Variants in SBDS observed in about 807,000 individuals in gnomAD.
The protein encoded by SBDS is ribosome maturation protein SBDS.
SBDS carries 20 observed loss-of-function variants against 26.4 expected under a neutral mutation model. The ratio of observed to expected loss-of-function variants is 0.76; its 90% CI spans 0.53 to 1.10. The LOEUF (loss-of-function observed/expected upper bound fraction) is 1.10. SBDS is among the 50% of genes least tolerant of loss of function. The pLI, the probability that SBDS is intolerant of heterozygous loss-of-function variation, is 0.00. For synonymous variants in SBDS, 95 were observed against 105.1 expected, an observed-to-expected ratio of 0.90 and a Z score of 0.59; for missense variants, 241 against 302.0, an observed-to-expected ratio of 0.80 and a Z score of 1.50.
rs771692204 is a variant in SBDS at position 66,995,290 on chromosome 7, A to G, written c.128T>C (p.Val43Ala). 6.2e-7 allele frequency: 1 copy of G among 1,613,562 alleles called. No individual in the cohort carries two copies. Among genetic ancestry groups the G allele is most frequent in the Non-Finnish European group, 8.5e-7 (1 of 1,179,962 alleles). Residue 43 changes from valine (V) to alanine (A), a missense_variant and splice_region_variant, in exon 1 of 5, where the codon GTG becomes GCG. Val to Ala is a moderately conservative substitution (Grantham distance 64). Coordinates refer to ENST00000246868, the MANE Select transcript of SBDS (RefSeq NM_016038.4). ...AGGCCCGAGGGAGGGGGCTACTCAC[A>G]CGCCGCTCCGCCAGCCGACGACCTT... ...KNKVVGWRSG[V>A]EKDLDEVLQT...
intron 3 of SBDS, among the ~76,000 whole-genome samples, chr7:66,992,268 A>C (rs1792990386): frequency 6.6e-6 from 1 of 152,152 alleles, no homozygotes; most frequent in African/African-American, 2.4e-5. Flanking sequence ...AAATGTCCAG[A>C]ATTGAGAAGT....
intron 3 of SBDS, among the ~76,000 whole-genome samples, chr7:66,992,878 G>A (rs1217131314): frequency 5.3e-5 from 8 of 151,896 alleles, no homozygotes; most frequent in African/African-American, 7.2e-5. Flanking sequence ...GTGGTGGCAC[G>A]TGCCTATAAT....
intron 3 of SBDS, among the ~76,000 whole-genome samples, chr7:66,991,749 G>GT (rs1792979376): frequency 1.3e-5 from 2 of 149,760 alleles, no homozygotes; most frequent in Admixed American, 1.4e-4. Context: ...CAAAAAGAGG[G>GT]CGGGGGGGGT....
chr7:66,989,405 C>T (rs1333682313), intron 4 of SBDS, among the ~76,000 whole-genome samples: 2 of 150,818 alleles, frequency 1.3e-5, no homozygotes, highest in South Asian at 4.2e-4. Flanking sequence ...ATTAGCTGGG[C>T]GAGGTGGCAC....
At position 66,993,221 on chromosome 7, in the gene SBDS, T is replaced by C; in HGVS notation, c.455A>G (p.Gln152Arg). The change falls in exon 3 of 5, where the codon CAG (glutamine) becomes CGG (arginine). Residue 152 changes from glutamine (Q) to arginine (R), a missense_variant. By Grantham distance (43) the Gln-to-Arg change is conservative. Transcript: ENST00000246868. Reference sequence around the variant, plus strand: ...ATGACATGAGAAACCACTCACCTGCTGTTTTGTACTCTTGTTGGTTTTCAC... The same window carrying C: ...ATGACATGAGAAACCACTCACCTGCCGTTTTGTACTCTTGTTGGTTTTCAC... ...YSVKTNKSTK[Q>R]QALEVIKQLK... 6.2e-7 allele frequency: 1 copy of C among 1,613,614 alleles called. No homozygotes were observed. Among genetic ancestry groups the C allele is most frequent in the Middle Eastern group, 1.6e-4 (1 of 6,062 alleles).
Position 66,994,360 on chromosome 7 carries a change from A to G in SBDS, c.129-19T>C. 6.2e-7 allele frequency: 1 copy of G among 1,611,816 alleles called. No homozygotes were observed. Among genetic ancestry groups the G allele is most frequent in the East Asian group, 2.2e-5 (1 of 44,850 alleles). On this transcript the variant is annotated intron_variant, in intron 1 of 4. Coordinates refer to ENST00000246868, the MANE Select transcript of SBDS (RefSeq NM_016038.4). ...TTTTTCCCTTGTGAGGGCAGGAGAG[A>G]AAGTCCTATGTGAATATACTTGAAA...
intron 2 of SBDS, 78 bp from the exon 3 acceptor site, chr7:66,993,495 G>A (rs1793019497): frequency 1.8e-6 from 2 of 1,119,754 alleles, no homozygotes; most frequent in Non-Finnish European, 2.7e-6. Context: ...CATAAAAAAT[G>A]AGTAACTGGA....
rs766739040 is a variant in SBDS, at chr7:66,994,340, C to G, written c.130G>C (p.Glu44Gln). The change falls in exon 2 of 5, where the codon GAA becomes CAA. Residue 44 changes from glutamate (E) to glutamine (Q), a missense_variant and splice_region_variant. Coordinates refer to ENST00000246868, the MANE Select transcript of SBDS (RefSeq NM_016038.4). ...TGCAGAACTTCATCGAGGTCTTTTT[C>G]CCTTGTGAGGGCAGGAGAGAAAGTC... is the stretch of plus-strand genomic sequence containing the variant. ...NKVVGWRSGV[E>Q]KDLDEVLQTH... The G allele has an allele frequency of 1.2e-6, 2 of 1,613,706 alleles. No homozygotes were observed. Among genetic ancestry groups the G allele is most frequent in the Non-Finnish European group, 1.7e-6 (2 of 1,179,758 alleles).
chr7:66,995,248 G>A (rs1369240296), intron 1 of SBDS, 42 bp downstream of exon 1: 1 of 1,612,622 alleles, frequency 6.2e-7, no homozygotes, highest in Non-Finnish European at 8.5e-7. Context: ...CGGAGGTGAC[G>A]GCTCAGGCCC....
At chr7:66,994,183 G>A in intron 2 of SBDS, 29 bp downstream of exon 2, 1 of 1,612,142 alleles carries the variant, frequency 6.2e-7, no homozygotes, top group Non-Finnish European at 8.5e-7. Context: ...ATGGTTATTA[G>A]GGTTAGCTAT....
At chr7:66,993,693 G>A (rs1224722883) in intron 2 of SBDS, among the ~76,000 whole-genome samples, 1 of 152,024 alleles carries the variant, frequency 6.6e-6, no homozygotes, top group Admixed American at 6.6e-5. Flanking sequence ...GGCCAACATG[G>A]TGAAACCCCA....
intron 1 of SBDS, 132 bp downstream of exon 1, chr7:66,995,158 C>T: frequency 7.7e-7 from 1 of 1,298,016 alleles, no homozygotes; most frequent in Non-Finnish European, 1.1e-6. Flanking sequence ...CTCATGCTCA[C>T]AGCAGGAATG....
Position 66,994,297 on chromosome 7 carries a change from A to G in SBDS, c.173T>C (p.Val58Ala), listed in dbSNP as rs747222022. Residue 58 changes from valine to alanine, a missense_variant, in exon 2 of 5, where the codon GTA becomes GCA. Transcript: ENST00000246868. ...DEVLQTHSVFVNVSKGQVAKK... is the reference protein window; with the variant it reads ...DEVLQTHSVFANVSKGQVAKK... Reference sequence around the variant, plus strand: ...GGCAACCTGACCTTTAGAAACATTTACAAACACTGAGTGGGTCTGCAGAAC... The same window carrying G: ...GGCAACCTGACCTTTAGAAACATTTGCAAACACTGAGTGGGTCTGCAGAAC... The G allele has an allele frequency of 6.8e-6, 11 of 1,614,080 alleles. No homozygotes were observed. The South Asian group carries it at 1.2e-4, about 18-fold the overall frequency.
chr7:66,993,419 T>TA lies in SBDS; in HGVS notation c.259-3dup. Reference sequence around the variant, plus strand: ...TTGAACTTCTCCTTTAGTCAAAATCTAAAAAAATGCCAACACATTTAAGAA... The same window carrying TA: ...TTGAACTTCTCCTTTAGTCAAAATCTAAAAAAAATGCCAACACATTTAAGAA... On this transcript the variant is annotated splice_region_variant and splice_polypyrimidine_tract_variant and intron_variant, in intron 2 of 4. Transcript: ENST00000246868. 1.2e-6 allele frequency: 2 copies of TA among 1,611,652 alleles called. No homozygotes were observed. Among genetic ancestry groups the TA allele is most frequent in the Non-Finnish European group, 1.7e-6 (2 of 1,178,006 alleles).
At position 66,994,255 on chromosome 7, in the gene SBDS, A is replaced by G. The variant is rs1260150679; in HGVS notation, c.215T>C (p.Ile72Thr). 1.9e-6 allele frequency: 3 copies of G among 1,614,016 alleles called. No homozygotes were observed. Among genetic ancestry groups the G allele is most frequent in the African/African-American group, 1.3e-5 (1 of 74,928 alleles). The stretch of plus-strand genomic sequence containing the variant: ...TTGGTCATCTGTTCCAAACGCACTG[A>G]TGAGATCTTCCTTTTTGGCAACCTG... The part of the protein sequence containing the change: ...KGQVAKKEDL[I>T]SAFGTDDQTE... Residue 72 changes from isoleucine (I) to threonine (T), a missense_variant, in exon 2 of 5, where the codon ATC becomes ACC. Ile to Thr is a moderately conservative substitution (Grantham distance 89). Coordinates refer to ENST00000246868, the MANE Select transcript of SBDS (RefSeq NM_016038.4).
In SBDS at chr7:66,991,309, G is replaced by A. The variant is rs1318125631; in HGVS notation, c.460-8C>T. 6.2e-7 allele frequency: 1 copy of A among 1,602,476 alleles called. No individual in the cohort carries two copies. The highest frequency in any genetic ancestry group is 8.5e-7 in the Non-Finnish European group (1 of 1,172,574). ...CTTTATCACTTCCAAAGCCTACCAA[G>A]ACAAAATCGAGAATGCAATTTCTTC... On this transcript the variant is annotated splice_polypyrimidine_tract_variant and splice_region_variant and intron_variant, in intron 3 of 4. Coordinates refer to ENST00000246868, the MANE Select transcript of SBDS (RefSeq NM_016038.4).
chr7:66,991,056 A>G (rs780716551), intron 4 of SBDS, 81 bp downstream of exon 4: 3 of 1,308,610 alleles, frequency 2.3e-6, no homozygotes, highest in Non-Finnish European at 3.2e-6. Flanking sequence ...CGTTTACAAC[A>G]TCTAAATGTT....
chr7:66,987,738 A>AT lies in SBDS; in HGVS notation c.*632dup, dbSNP rs923130592. 1.2e-4 allele frequency: 20 copies of AT among 171,498 alleles called. No individual in the cohort carries two copies. The highest frequency in any genetic ancestry group is 4.3e-4 in the African/African-American group (18 of 42,120). The allele number at this position is 171,498 out of a possible 1,614,324, so 10.6% of individuals were successfully genotyped here. On this transcript the variant is annotated 3_prime_UTR_variant, in exon 5 of 5. Coordinates refer to ENST00000246868, the MANE Select transcript of SBDS (RefSeq NM_016038.4). The stretch of plus-strand genomic sequence containing the variant: ...AGAGTGGTTTTATTGATTACATACA[A>AT]TTTTAGCTATATTAATATATATTAT...
intron 4 of SBDS, among the ~76,000 whole-genome samples, chr7:66,989,091 C>T (rs1195953453): frequency 6.6e-6 from 1 of 151,738 alleles, no homozygotes; most frequent in Non-Finnish European, 1.5e-5. Flanking sequence ...CTCACCTTGG[C>T]CTCCCAAAGT....
Sources: gnomAD v4.1 joint callset for allele counts (sites outside exome capture counted in the v4.1 genomes callset) on GRCh38, gnomAD v4.1.1 for gene constraint, MANE v1.5 for transcripts, NCBI Gene and HGNC (gene_info 2026-07-23, HGNC 2026-07-21) for gene names.